RAI2: variants seen among roughly 807,000 people sequenced by gnomAD.
The protein encoded by RAI2 is retinoic acid-induced protein 2.
A neutral mutation model predicts 15.3 loss-of-function variants in RAI2; 5 were observed. The ratio of observed to expected loss-of-function variants is 0.33; its 90% CI spans 0.17 to 0.69. The LOEUF (loss-of-function observed/expected upper bound fraction) is 0.69. Ranked by LOEUF, RAI2 falls within the 30% of genes least tolerant of loss-of-function variation. RAI2 has a pLI of 0.69. For synonymous variants in RAI2, 191 were observed against 184.0 expected (o/e 1.04, Z -0.31); for missense variants, 424 against 424.7 (o/e 1.00, Z 0.01).
At chrX:17,819,141 A>G (rs1048425792) in intron 1 of RAI2, among the ~76,000 whole-genome samples, 2 of 111,695 alleles carry the variant, frequency 1.8e-5, no homozygotes, top group African/African-American at 6.5e-5. Context: ...GGCTGGAAAG[A>G]CTCTGCTTTA....
chrX:17,830,479 T>C (rs927154475), intron 1 of RAI2, among the ~76,000 whole-genome samples: 1 of 110,758 alleles, frequency 9.0e-6, no homozygotes, highest in African/African-American at 3.3e-5. Flanking sequence ...ATGACACTCC[T>C]ATGATTTGTT....
chrX:17,855,633 C>T (rs1333850594), intron 1 of RAI2, among the ~76,000 whole-genome samples: 1 of 111,699 alleles, frequency 9.0e-6, no homozygotes, highest in Non-Finnish European at 1.9e-5. Flanking sequence ...CACCTGCCAT[C>T]GAGATGGAGA....
chrX:17,839,841 G>T (rs749444210), intron 1 of RAI2, among the ~76,000 whole-genome samples: 1 of 112,294 alleles, frequency 8.9e-6, no homozygotes, highest in African/African-American at 3.2e-5. Flanking sequence ...GACACAGGTT[G>T]GTCTGTTCTG....
At chrX:17,831,175 T>A (rs1054163559) in intron 1 of RAI2, among the ~76,000 whole-genome samples, 1 of 111,729 alleles carries the variant, frequency 9.0e-6, no homozygotes. Flanking sequence ...TCCATGGAGA[T>A]AAGGGCTTCA....
intron 1 of RAI2, among the ~76,000 whole-genome samples, chrX:17,855,625 C>G (rs1022583982): frequency 2.7e-5 from 3 of 111,792 alleles, no homozygotes; most frequent in African/African-American, 9.8e-5. Context: ...CTGCCTCCCA[C>G]CTGCCATCGA....
intron 1 of RAI2, among the ~76,000 whole-genome samples, chrX:17,818,197 C>T: frequency 8.9e-6 from 1 of 112,497 alleles, no homozygotes; most frequent in Non-Finnish European, 1.9e-5. Context: ...GACTTGAACC[C>T]AGCCTCCCAC....
intron 1 of RAI2, among the ~76,000 whole-genome samples, chrX:17,829,277 GAAAA>G (rs11479454): frequency 0.016 from 841 of 52,243 alleles, 15 homozygotes; most frequent in African/African-American, 0.055. Flanking sequence ...CATCTGTATG[GAAAA>G]AAAAAAAAAA....
intron 1 of RAI2, among the ~76,000 whole-genome samples, chrX:17,812,266 T>C (rs1454513229): frequency 1.8e-5 from 2 of 111,483 alleles, no homozygotes; most frequent in Non-Finnish European, 3.8e-5. Context: ...GCTTTATTCA[T>C]TCGCAACCCT....
chrX:17,815,323 GCACACACACA>G (rs5901632), intron 1 of RAI2, among the ~76,000 whole-genome samples: 1,527 of 100,895 alleles, frequency 0.015, 15 homozygotes, highest in African/African-American at 0.031. Flanking sequence ...GTGCACACGT[GCACACACACA>G]CACACACACA....
intron 1 of RAI2, among the ~76,000 whole-genome samples, chrX:17,834,171 C>T (rs1233569054): frequency 8.9e-6 from 1 of 111,919 alleles, no homozygotes; most frequent in Admixed American, 9.5e-5. Context: ...CTTCCCCATA[C>T]ATAATCATTT....
chrX:17,815,244 G>A (rs866753775), intron 1 of RAI2, among the ~76,000 whole-genome samples: 7 of 111,277 alleles, frequency 6.3e-5, no homozygotes, highest in Non-Finnish European at 5.7e-5. Flanking sequence ...TAGCAATAAC[G>A]ATTATAGGTA....
intron 1 of RAI2, among the ~76,000 whole-genome samples, chrX:17,840,879 T>G (rs1348812071): frequency 8.9e-6 from 1 of 111,902 alleles, no homozygotes; most frequent in Admixed American, 9.4e-5. Flanking sequence ...CACATACAAC[T>G]GCAAGAGAGA....
At chrX:17,818,150 C>T (rs1341006306) in intron 1 of RAI2, among the ~76,000 whole-genome samples, 1 of 112,014 alleles carries the variant, frequency 8.9e-6, no homozygotes, top group East Asian at 2.8e-4. Flanking sequence ...TCAAGAACCC[C>T]AGACCCACCT....
intron 1 of RAI2, among the ~76,000 whole-genome samples, chrX:17,809,455 GGAGGTAAGGTCATGCCCT>G (rs2067017501): frequency 9.0e-6 from 1 of 111,712 alleles, no homozygotes; most frequent in Non-Finnish European, 1.9e-5. Flanking sequence ...CCCAGTGAGA[GGAGGTAAGGTCATGCCCT>G]GAGGTATCAT....
chrX:17,819,989 A>G (rs767278528), intron 1 of RAI2, among the ~76,000 whole-genome samples: 2 of 112,487 alleles, frequency 1.8e-5, no homozygotes, highest in South Asian at 7.4e-4. Flanking sequence ...TATTAAAAAT[A>G]CTATTGAATA....
At chrX:17,853,638 A>G (rs1490823532) in intron 1 of RAI2, among the ~76,000 whole-genome samples, 1 of 111,558 alleles carries the variant, frequency 9.0e-6, no homozygotes, top group African/African-American at 3.3e-5. Flanking sequence ...CTCCAGATAA[A>G]GCCAAATATG....
chrX:17,802,126 T>C, intron 1 of RAI2, 92 bp from the exon 2 acceptor site: 1 of 1,041,461 alleles, frequency 9.6e-7, no homozygotes, highest in East Asian at 3.1e-5. Flanking sequence ...AGTTTCCACG[T>C]TTTAGTTAAC....
At chrX:17,805,110 A>G (rs2066962564) in intron 1 of RAI2, among the ~76,000 whole-genome samples, 1 of 112,573 alleles carries the variant, frequency 8.9e-6, no homozygotes, top group African/African-American at 3.2e-5. Context: ...TTAAATAACT[A>G]GCCTAAAGGT....
At chrX:17,854,324 G>A (rs762997838) in intron 1 of RAI2, among the ~76,000 whole-genome samples, 1 of 112,087 alleles carries the variant, frequency 8.9e-6, no homozygotes, top group Non-Finnish European at 1.9e-5. Context: ...GCCTGGTTGT[G>A]CATACGGGGG....
Sources: allele counts gnomAD v4.1 joint callset (sites outside exome capture counted in the v4.1 genomes callset), GRCh38; gene constraint gnomAD v4.1.1; transcripts MANE v1.5; gene names NCBI Gene and HGNC (gene_info 2026-07-23, HGNC 2026-07-21).